ST6GALNAC3: variants seen among roughly 807,000 people sequenced by gnomAD.
ST6GALNAC3 encodes the protein ST6 N-acetylgalactosaminide alpha-2,6-sialyltransferase 3.
In ST6GALNAC3, 25 loss-of-function variants were observed where a neutral mutation model predicts 32.7. The observed-to-expected ratio is 0.76, with a 90% CI of 0.56 to 1.07. The LOEUF (loss-of-function observed/expected upper bound fraction) is 1.07, where lower values mean the gene tolerates loss of function less well. Among genes scored for constraint, ST6GALNAC3 ranks in the 50% least tolerant of loss-of-function variants. The pLI, the probability that ST6GALNAC3 is intolerant of heterozygous loss-of-function variation, is 0.00. For missense variants in ST6GALNAC3, 355 were observed against 382.4 expected (o/e 0.93, Z 0.60); for synonymous variants, 129 against 133.1 (o/e 0.97, Z 0.21).
At chr1:76,370,974 C>T (rs1048953771) in intron 2 of ST6GALNAC3, among the ~76,000 whole-genome samples, 3 of 152,056 alleles carry the variant, frequency 2.0e-5, no homozygotes, top group African/African-American at 4.8e-5. Context: ...TCATCTTTTA[C>T]TATTTGACAC....
At chr1:76,230,705 G>T (rs1161348741) in intron 1 of ST6GALNAC3, among the ~76,000 whole-genome samples, 2 of 152,152 alleles carry the variant, frequency 1.3e-5, no homozygotes, top group East Asian at 3.8e-4. Context: ...GTTAGTAACT[G>T]ATGCCTTTTC....
chr1:76,078,890 C>T (rs532270658), intron 1 of ST6GALNAC3, among the ~76,000 whole-genome samples: 10 of 152,292 alleles, frequency 6.6e-5, no homozygotes, highest in African/African-American at 1.7e-4. Flanking sequence ...AAGCAATTCT[C>T]GTGCCTCAGC....
intron 2 of ST6GALNAC3, among the ~76,000 whole-genome samples, chr1:76,371,812 C>T (rs1265459242): frequency 6.6e-6 from 1 of 152,116 alleles, no homozygotes; most frequent in Non-Finnish European, 1.5e-5. Flanking sequence ...TTTTGTAGGT[C>T]AACAACCTCA....
intron 3 of ST6GALNAC3, among the ~76,000 whole-genome samples, chr1:76,471,477 A>C (rs1056187141): frequency 1.3e-5 from 2 of 152,104 alleles, no homozygotes; most frequent in South Asian, 4.2e-4. Flanking sequence ...AGCTCAGTGA[A>C]GCCGGGATTC....
intron 3 of ST6GALNAC3, among the ~76,000 whole-genome samples, chr1:76,585,688 A>G (rs1646952831): frequency 6.6e-6 from 1 of 152,154 alleles, no homozygotes; most frequent in Non-Finnish European, 1.5e-5. Flanking sequence ...TTTAGCATTC[A>G]TTTCATCTAA....
intron 3 of ST6GALNAC3, among the ~76,000 whole-genome samples, chr1:76,546,028 G>C (rs1370861658): frequency 6.6e-6 from 1 of 152,206 alleles, no homozygotes; most frequent in Non-Finnish European, 1.5e-5. Flanking sequence ...TTTCATTATT[G>C]TTTCTACATT....
chr1:76,479,264 T>C (rs1474378178), intron 3 of ST6GALNAC3, among the ~76,000 whole-genome samples: 2 of 152,182 alleles, frequency 1.3e-5, no homozygotes, highest in Non-Finnish European at 2.9e-5. Flanking sequence ...AAATAAAATC[T>C]GTTCCCTTTT....
intron 1 of ST6GALNAC3, among the ~76,000 whole-genome samples, chr1:76,213,637 ATTTAC>A (rs1655295018): frequency 6.6e-6 from 1 of 152,206 alleles, no homozygotes; most frequent in Non-Finnish European, 1.5e-5. Flanking sequence ...AGATGTGCTA[ATTTAC>A]AGGCCAGCAG....
intron 2 of ST6GALNAC3, among the ~76,000 whole-genome samples, chr1:76,315,579 A>G: frequency 6.6e-6 from 1 of 152,164 alleles, no homozygotes; most frequent in Non-Finnish European, 1.5e-5. Flanking sequence ...AATATTGAAT[A>G]TTATTTTGCT....
chr1:76,554,265 A>G (rs982829449), intron 3 of ST6GALNAC3, among the ~76,000 whole-genome samples: 3 of 152,190 alleles, frequency 2.0e-5, no homozygotes, highest in African/African-American at 7.2e-5. Context: ...AACTGTCTCC[A>G]TATTTGACAG....
chr1:76,584,890 T>C (rs1218476654), intron 3 of ST6GALNAC3, among the ~76,000 whole-genome samples: 1 of 152,204 alleles, frequency 6.6e-6, no homozygotes, highest in Admixed American at 6.5e-5. Context: ...AGAGGCCTTA[T>C]GTAATATATT....
At chr1:76,098,585 C>CTGT (rs1557611307) in intron 1 of ST6GALNAC3, among the ~76,000 whole-genome samples, 1 of 150,194 alleles carries the variant, frequency 6.7e-6, no homozygotes, top group Non-Finnish European at 1.5e-5. Context: ...TGTGAACTGC[C>CTGT]TGTATTAGTC....
intron 2 of ST6GALNAC3, among the ~76,000 whole-genome samples, chr1:76,380,355 G>A (rs916916634): frequency 6.6e-6 from 1 of 152,174 alleles, no homozygotes; most frequent in Admixed American, 6.5e-5. Flanking sequence ...CTGTATGACA[G>A]TGCCGGTGTG....
At chr1:76,417,681 T>C (rs941261258) in intron 3 of ST6GALNAC3, among the ~76,000 whole-genome samples, 18 of 152,276 alleles carry the variant, frequency 1.2e-4, no homozygotes, top group African/African-American at 3.6e-4. Context: ...GAAATATGCT[T>C]GCAAATATAG....
At chr1:76,541,796 A>G (rs1664008631) in intron 3 of ST6GALNAC3, among the ~76,000 whole-genome samples, 1 of 152,174 alleles carries the variant, frequency 6.6e-6, no homozygotes, top group African/African-American at 2.4e-5. Flanking sequence ...AGGTGTCCCC[A>G]TCATCTCGTC....
intron 1 of ST6GALNAC3, among the ~76,000 whole-genome samples, chr1:76,245,371 T>G (rs942833713): frequency 7.2e-5 from 11 of 152,048 alleles, no homozygotes; most frequent in Non-Finnish European, 1.6e-4. Flanking sequence ...AATCTTTTCA[T>G]AAAAACAGGT....
intron 1 of ST6GALNAC3, among the ~76,000 whole-genome samples, chr1:76,208,619 A>G (rs1304235096): frequency 2.0e-5 from 3 of 152,134 alleles, no homozygotes; most frequent in Admixed American, 6.5e-5. Flanking sequence ...ACACCTCAAA[A>G]GGTTGGAAGT....
rs547180030 is a variant in ST6GALNAC3, at chr1:76,312,242, C to A, written c.19-1563C>A. Among the ~76,000 whole-genome samples the A allele has an allele frequency of 1.9e-3, 295 of 152,222 alleles. 2 individuals are homozygous for A. Among genetic ancestry groups the A allele is most frequent in the African/African-American group, 6.6e-3 (275 of 41,514 alleles). On this transcript the variant is annotated intron_variant, in intron 1 of 4. Transcript: ENST00000328299. The stretch of plus-strand genomic sequence containing the variant: ...GCTACCCATATGCAGAAAACTGAAA[C>A]TGGACCCCTTCCTTATACCTTATAC...
intron 1 of ST6GALNAC3, among the ~76,000 whole-genome samples, chr1:76,254,209 C>T (rs955412510): frequency 3.9e-5 from 6 of 152,070 alleles, no homozygotes; most frequent in East Asian, 1.9e-4. Context: ...GTTCTTAGGA[C>T]AGTTACTATT....
Sources: gnomAD v4.1 joint callset for allele counts (sites outside exome capture counted in the v4.1 genomes callset) on GRCh38, gnomAD v4.1.1 for gene constraint, MANE v1.5 for transcripts, NCBI Gene and HGNC (gene_info 2026-07-23, HGNC 2026-07-21) for gene names.